The following CACNA1C variants were observed in gnomAD, a reference collection of about 807,000 sequenced individuals.
CACNA1C encodes the protein voltage-dependent L-type calcium channel subunit alpha-1C.
In CACNA1C, 30 loss-of-function variants were observed where a neutral mutation model predicts 229.0. The observed-to-expected ratio is 0.13, with a 90% CI of 0.10 to 0.18. The LOEUF is 0.18. Among genes scored for constraint, CACNA1C ranks in the 10% least tolerant of loss-of-function variants. The pLI, the probability that CACNA1C is intolerant of heterozygous loss-of-function variation, is 1.00. For synonymous variants in CACNA1C, 1,114 were observed against 1,132.5 expected (o/e 0.98, Z 0.33); for missense variants, 1,658 against 2,845.0 (o/e 0.58, Z 9.49).
chr12:2,597,588 C>A lies in CACNA1C; in HGVS notation c.2853+299C>A. The A allele has an allele frequency of 1.1e-6, 1 of 900,232 alleles. No individual in the cohort carries two copies. Among genetic ancestry groups the A allele is most frequent in the Non-Finnish European group, 1.8e-6 (1 of 549,316 alleles). The allele number at this position is 900,232 out of a possible 1,614,324, so 55.8% of individuals were successfully genotyped here. On this transcript the variant is annotated intron_variant, in intron 21 of 46. Coordinates refer to ENST00000399655, the MANE Select transcript of CACNA1C (RefSeq NM_000719.7). This position sits in a 1 kb window ranked among gnomAD's most constrained non-coding sequence, Gnocchi z 4.3. ...TCTTTTGTCTTTTCTGTTTCTTTCA[C>A]TCTCTCTTTTCTTTACTCCCAAGCC...
intron 10 of CACNA1C, among the ~76,000 whole-genome samples, chr12:2,552,231 G>GGT (rs770483776): frequency 6.6e-6 from 1 of 152,248 alleles, no homozygotes; most frequent in Non-Finnish European, 1.5e-5. Context: ...GCTAGGTGGT[G>GGT]GTGACACACA....
At chr12:1,986,493 C>CAG (rs1453440235) in intron 1 of CACNA1C, among the ~76,000 whole-genome samples, 1 of 152,136 alleles carries the variant, frequency 6.6e-6, no homozygotes, top group Non-Finnish European at 1.5e-5. Flanking sequence ...ACCACAGGGG[C>CAG]AGAGACAGGG....
chr12:2,506,130 C>T (rs896103338), intron 8 of CACNA1C, among the ~76,000 whole-genome samples: 1 of 152,116 alleles, frequency 6.6e-6, no homozygotes, highest in African/African-American at 2.4e-5. Flanking sequence ...CCAGTAGAGA[C>T]CTTGATGACA....
At chr12:2,007,970 A>G (rs975801106) in intron 1 of CACNA1C, among the ~76,000 whole-genome samples, 1 of 152,222 alleles carries the variant, frequency 6.6e-6, no homozygotes, top group African/African-American at 2.4e-5. Context: ...CTAAAAAAAA[A>G]CAGTCATTGT....
intron 3 of CACNA1C, among the ~76,000 whole-genome samples, chr12:2,384,455 C>T (rs2098331783): frequency 6.6e-6 from 1 of 152,204 alleles, no homozygotes; most frequent in African/African-American, 2.4e-5. Context: ...AGAATGAGCA[C>T]AATTAGAGGT....
rs576633348 is a variant in CACNA1C at position 2,162,489 on chromosome 12, AAAAT to A, written c.477+42067_477+42070del. Among the ~76,000 whole-genome samples the A allele has an allele frequency of 1.2e-4, 19 of 152,226 alleles. No individual in the cohort carries two copies. In the South Asian group the frequency reaches 3.7e-3, roughly 30 times the overall value. ...TTTTTTCTTATCAGCCACAAAACAA[AAAAT>A]AAATAAAAGAAGGAGGAGGCCGTGT... is the stretch of plus-strand genomic sequence containing the variant. On this transcript the variant is annotated intron_variant, in intron 3 of 46. Transcript: ENST00000399655.
chr12:2,230,329 G>C (rs1048904031), intron 3 of CACNA1C, among the ~76,000 whole-genome samples: 1 of 152,216 alleles, frequency 6.6e-6, no homozygotes, highest in Non-Finnish European at 1.5e-5. Flanking sequence ...GGGCAAGCGG[G>C]GCCTCTCGCC....
Position 2,181,952 on chromosome 12 carries a change from C to T in CACNA1C, c.477+61522C>T, listed in dbSNP as rs1180408697. ...TTACTCATTAATGTAGAACTCCGACCAGTGGGTGGAGGGTATGGGTTCAAT... is the reference window on the plus strand; with the variant it reads ...TTACTCATTAATGTAGAACTCCGACTAGTGGGTGGAGGGTATGGGTTCAAT... On this transcript the variant is annotated intron_variant, in intron 3 of 46. Transcript: ENST00000399655. The surrounding 1 kb of genome is among the most constrained non-coding windows in gnomAD (Gnocchi z 4.0). Among the ~76,000 whole-genome samples the T allele has an allele frequency of 6.6e-6, 1 of 151,782 alleles. No individual in the cohort carries two copies. The highest frequency in any genetic ancestry group is 2.4e-5 in the African/African-American group (1 of 41,290).
intron 1 of CACNA1C, among the ~76,000 whole-genome samples, chr12:2,114,800 G>A (rs1339930045): frequency 6.6e-6 from 1 of 152,124 alleles, no homozygotes; most frequent in African/African-American, 2.4e-5. Flanking sequence ...TGTATCTTAT[G>A]CTCATTTTCC....
intron 4 of CACNA1C, among the ~76,000 whole-genome samples, chr12:2,449,373 G>A (rs192177703): frequency 2.0e-5 from 3 of 152,326 alleles, no homozygotes; most frequent in Non-Finnish European, 4.4e-5. Flanking sequence ...CCAGGAAAAG[G>A]AGGGGTCAGG....
chr12:2,202,423 G>A (rs757222157), intron 3 of CACNA1C, among the ~76,000 whole-genome samples: 2 of 152,244 alleles, frequency 1.3e-5, no homozygotes, highest in Non-Finnish European at 2.9e-5. Flanking sequence ...GTTGAAACCT[G>A]CACCAGAACT....
chr12:2,333,392 G>A (rs1259162180), intron 3 of CACNA1C, among the ~76,000 whole-genome samples: 5 of 152,150 alleles, frequency 3.3e-5, no homozygotes, highest in Admixed American at 2.0e-4. Context: ...TGGCCCCCAC[G>A]CTGCCATCCT....
chr12:2,523,141 G>T (rs912131799), intron 9 of CACNA1C, among the ~76,000 whole-genome samples: 1 of 151,782 alleles, frequency 6.6e-6, no homozygotes, highest in African/African-American at 2.4e-5. Flanking sequence ...GAGATGGGGC[G>T]GGAGGGCGGG....
intron 1 of CACNA1C, among the ~76,000 whole-genome samples, chr12:1,972,150 G>T (rs534991913): frequency 6.6e-6 from 1 of 152,174 alleles, no homozygotes; most frequent in Non-Finnish European, 1.5e-5. Flanking sequence ...GGAAAGCCAC[G>T]GAAACGTGGT....
chr12:2,211,827 T>A (rs1283111793), intron 3 of CACNA1C, among the ~76,000 whole-genome samples: 3 of 150,524 alleles, frequency 2.0e-5, no homozygotes, highest in Non-Finnish European at 4.4e-5. Flanking sequence ...CAAGCGATTC[T>A]CCTGCCTCAG....
At chr12:2,260,544 G>C (rs1186310222) in intron 3 of CACNA1C, among the ~76,000 whole-genome samples, 3 of 151,760 alleles carry the variant, frequency 2.0e-5, no homozygotes, top group African/African-American at 7.3e-5. Flanking sequence ...GAGAGAAAAG[G>C]AGAGGAGCAC....
chr12:2,635,914 T>G (rs898310410), intron 30 of CACNA1C, among the ~76,000 whole-genome samples: 2 of 152,208 alleles, frequency 1.3e-5, no homozygotes, highest in African/African-American at 2.4e-5. Context: ...CTTCTCCCAG[T>G]AAATCCTCAG....
chr12:2,240,217 T>G (rs921482554), intron 3 of CACNA1C, among the ~76,000 whole-genome samples: 1 of 152,204 alleles, frequency 6.6e-6, no homozygotes, highest in East Asian at 1.9e-4. Context: ...GAAACCTCGA[T>G]TGTTTCCTGC....
rs1231585925 is a variant in CACNA1C, at chr12:2,116,195, G to T, written c.371+650G>T. On this transcript the variant is annotated intron_variant, in intron 2 of 46. Transcript: ENST00000399655. ...AAAACAACAACGGAAAACTCTCTGG[G>T]TAATTCTAATGTGCAGACAAAGTTG... Among the ~76,000 whole-genome samples the T allele has an allele frequency of 4.6e-5, 7 of 152,270 alleles. No homozygotes were observed. The South Asian group carries it at 1.5e-3, about 32-fold the overall frequency.
Sources: gnomAD v4.1 joint callset for allele counts (sites outside exome capture counted in the v4.1 genomes callset) on GRCh38, gnomAD v4.1.1 for gene constraint, Gnocchi (gnomAD v3.1) non-coding constraint, MANE v1.5 for transcripts, NCBI Gene and HGNC (gene_info 2026-07-23, HGNC 2026-07-21) for gene names.